ST3GAL3: variants seen among roughly 807,000 people sequenced by gnomAD.
ST3GAL3 encodes the protein CMP-N-acetylneuraminate-beta-1,4-galactoside alpha-2,3-sialyltransferase.
A neutral mutation model predicts 50.1 loss-of-function variants in ST3GAL3; 21 were observed. That is an observed-to-expected ratio of 0.42 (90% CI 0.30 to 0.60). ST3GAL3 has a LOEUF of 0.60. Ranked by LOEUF, ST3GAL3 falls within the 20% of genes least tolerant of loss-of-function variation. The pLI is 0.19. For missense variants in ST3GAL3, 353 were observed against 489.4 expected (o/e 0.72, Z 2.63); for synonymous variants, 183 against 190.0 (o/e 0.96, Z 0.30).
chr1:43,762,832 G>A (rs1691055364), intron 2 of ST3GAL3, among the ~76,000 whole-genome samples: 1 of 152,090 alleles, frequency 6.6e-6, no homozygotes, highest in Non-Finnish European at 1.5e-5. Flanking sequence ...AGGATGAAAG[G>A]GGACCAAAAA....
intron 4 of ST3GAL3, chr1:43,825,038 A>T (rs2062605099): frequency 1.9e-5 from 13 of 670,478 alleles, no homozygotes. Context: ...GTGATGATTC[A>T]TAACTAAGAC....
intron 5 of ST3GAL3, among the ~76,000 whole-genome samples, chr1:43,890,949 A>G (rs550368050): frequency 6.6e-6 from 1 of 152,296 alleles, no homozygotes; most frequent in East Asian, 1.9e-4. Context: ...TCTACAGGAC[A>G]AATAGCCTGT....
At chr1:43,856,035 A>G (rs1160868141) in intron 5 of ST3GAL3, among the ~76,000 whole-genome samples, 2 of 152,252 alleles carry the variant, frequency 1.3e-5, no homozygotes, top group Non-Finnish European at 2.9e-5. Context: ...CAGGTTTACA[A>G]CTGCGGTCAT....
chr1:43,824,952 G>C (rs1405431601), intron 4 of ST3GAL3: 2 of 716,088 alleles, frequency 2.8e-6, no homozygotes, highest in African/African-American at 3.5e-5. Context: ...TCTGTTTCCT[G>C]TCTCAGGAAG....
chr1:43,818,416 G>C (rs1275936279), intron 4 of ST3GAL3, among the ~76,000 whole-genome samples: 1 of 152,190 alleles, frequency 6.6e-6, no homozygotes, highest in African/African-American at 2.4e-5. Context: ...TTCAGTTTAA[G>C]GTATTCCAGA....
Position 43,899,468 on chromosome 1 carries a change from G to A in ST3GAL3, c.558-73G>A, listed in dbSNP as rs1570962617. On this transcript the variant is annotated intron_variant, in intron 8 of 11. Coordinates refer to ENST00000347631, the MANE Select transcript of ST3GAL3 (RefSeq NM_006279.5). The surrounding 1 kb of genome is among the most constrained non-coding windows in gnomAD (Gnocchi z 5.4). ...GTGACCTGGACTCCCTATTCTCCAT[G>A]CCTGGGATAGTCTGGGGTCATGGTG... 6.3e-7 allele frequency: 1 copy of A among 1,599,980 alleles called. No individual in the cohort carries two copies. Among genetic ancestry groups the A allele is most frequent in the Non-Finnish European group, 8.5e-7 (1 of 1,175,402 alleles).
intron 2 of ST3GAL3, among the ~76,000 whole-genome samples, chr1:43,784,660 C>A (rs753950779): frequency 1.3e-5 from 2 of 152,158 alleles, no homozygotes; most frequent in Admixed American, 6.5e-5. Context: ...TACAGTCTCT[C>A]GAGCTTAGTA....
intron 2 of ST3GAL3, among the ~76,000 whole-genome samples, chr1:43,744,755 A>C (rs777958169): frequency 1.3e-4 from 19 of 151,696 alleles, no homozygotes; most frequent in Non-Finnish European, 2.5e-4. Context: ...TAATACCAGC[A>C]CTTTGGGAGG....
At chr1:43,905,133 C>G (rs1359421943) in intron 9 of ST3GAL3, among the ~76,000 whole-genome samples, 1 of 139,750 alleles carries the variant, frequency 7.2e-6, no homozygotes, top group Non-Finnish European at 1.5e-5. Context: ...CTTCCTCCTC[C>G]TCCTCCTGCT....
chr1:43,784,640 G>C (rs747831871), intron 2 of ST3GAL3, among the ~76,000 whole-genome samples: 12 of 152,192 alleles, frequency 7.9e-5, no homozygotes, highest in African/African-American at 2.9e-4. Flanking sequence ...TACCATGTCT[G>C]ATCTTTTCAT....
chr1:43,917,504 T>TTA (rs1553135927), intron 9 of ST3GAL3, among the ~76,000 whole-genome samples: 5 of 55,854 alleles, frequency 9.0e-5, no homozygotes, highest in African/African-American at 2.2e-4. Context: ...ATATAATATA[T>TTA]TATATAATAT....
At position 43,906,724 on chromosome 1, in the gene ST3GAL3, CTTCT is replaced by C. The variant is rs144604845; in HGVS notation, c.744+6998_744+7001del. Among the ~76,000 whole-genome samples the C allele has an allele frequency of 2.0e-5, 3 of 152,192 alleles. No individual in the cohort carries two copies. In the East Asian group the frequency reaches 5.8e-4, roughly 29 times the overall value. Reference sequence around the variant, plus strand: ...TTTCCTTCCTTTTGTTCTCCTCTTCCTTCTGTCATCACTATCATTATCATTATAG... The same window carrying C: ...TTTCCTTCCTTTTGTTCTCCTCTTCCGTCATCACTATCATTATCATTATAG... On this transcript the variant is annotated intron_variant, in intron 9 of 11. Coordinates refer to ENST00000347631, the MANE Select transcript of ST3GAL3 (RefSeq NM_006279.5).
chr1:43,870,849 A>G (rs2072528333), intron 5 of ST3GAL3, among the ~76,000 whole-genome samples: 1 of 152,166 alleles, frequency 6.6e-6, no homozygotes, highest in Non-Finnish European at 1.5e-5. Flanking sequence ...AGAGGCTGGT[A>G]CTAGGGAACC....
chr1:43,713,522 ATTTTTTTTTTTTT>A (rs556526111), intron 1 of ST3GAL3, among the ~76,000 whole-genome samples: 1 of 122,174 alleles, frequency 8.2e-6, no homozygotes, highest in African/African-American at 3.1e-5. Flanking sequence ...ACGTTGTGGG[ATTTTTTTTTTTTT>A]TTTTTTTTGA....
At chr1:43,878,403 T>C (rs1462328095) in intron 5 of ST3GAL3, among the ~76,000 whole-genome samples, 1 of 152,102 alleles carries the variant, frequency 6.6e-6, no homozygotes, top group East Asian at 1.9e-4. Flanking sequence ...AGAAAGAAAA[T>C]ATGGCAAGGT....
At chr1:43,886,116 C>T (rs371603690) in intron 5 of ST3GAL3, among the ~76,000 whole-genome samples, 1 of 152,376 alleles carries the variant, frequency 6.6e-6, no homozygotes, top group Admixed American at 6.5e-5. Flanking sequence ...TGCAGTGGCT[C>T]ATGCCTGTCA....
intron 2 of ST3GAL3, among the ~76,000 whole-genome samples, chr1:43,783,721 T>C (rs1234306494): frequency 2.6e-5 from 4 of 151,990 alleles, no homozygotes; most frequent in Non-Finnish European, 5.9e-5. Context: ...TTGTAAGCAG[T>C]GCCACCCTTA....
chr1:43,810,556 T>G (rs1194592862), intron 3 of ST3GAL3, among the ~76,000 whole-genome samples: 3 of 152,186 alleles, frequency 2.0e-5, no homozygotes. Flanking sequence ...TTCCTATTGT[T>G]CGCAAGGGGA....
intron 1 of ST3GAL3, among the ~76,000 whole-genome samples, chr1:43,728,015 G>A (rs12091846): frequency 0.012 from 1,845 of 151,688 alleles, 40 homozygotes; most frequent in African/African-American, 0.043. Flanking sequence ...CAACCCTTGC[G>A]CCTTCACCCC....
Sources: gnomAD v4.1 joint callset for allele counts (sites outside exome capture counted in the v4.1 genomes callset) on GRCh38, gnomAD v4.1.1 for gene constraint, Gnocchi (gnomAD v3.1) non-coding constraint, MANE v1.5 for transcripts, NCBI Gene and HGNC (gene_info 2026-07-23, HGNC 2026-07-21) for gene names.